The following GLIS3 variants were observed in gnomAD, a reference collection of about 807,000 sequenced individuals.
GLIS3 encodes the protein GLIS family zinc finger 3.
GLIS3 carries 53 observed loss-of-function variants against 78.6 expected under a neutral mutation model. The ratio of observed to expected loss-of-function variants is 0.67; its 90% CI spans 0.54 to 0.85. GLIS3 has a LOEUF of 0.85. GLIS3 is among the 40% of genes least tolerant of loss of function. The probability of loss-of-function intolerance (pLI) is 0.00; values close to 1 mark genes in which losing one functional copy is unlikely to be tolerated. For missense variants in GLIS3, 1,703 were observed against 1,231.1 expected (o/e 1.38, Z -5.74); for synonymous variants, 684 against 509.9 (o/e 1.34, Z -4.60).
chr9:3,999,593 T>C (rs545062908), intron 4 of GLIS3, among the ~76,000 whole-genome samples: 1 of 152,254 alleles, frequency 6.6e-6, no homozygotes, highest in Non-Finnish European at 1.5e-5. Context: ...AAATGTTCAT[T>C]GAAAGACATT....
chr9:4,374,810 T>G, the GLIS3 span, among the ~76,000 whole-genome samples: 1 of 152,266 alleles, frequency 6.6e-6, no homozygotes, highest in Non-Finnish European at 1.5e-5. Flanking sequence ...CCACCGTCAC[T>G]TATTTATTGC....
intron 2 of GLIS3, among the ~76,000 whole-genome samples, chr9:4,210,879 A>C (rs1398492197): frequency 1.3e-5 from 2 of 152,160 alleles, no homozygotes; most frequent in African/African-American, 2.4e-5. Context: ...CCTTCTTCCA[A>C]GGTAAATTCC....
At chr9:4,435,312 T>A in the GLIS3 span, among the ~76,000 whole-genome samples, 39 of 150,378 alleles carry the variant, frequency 2.6e-4, no homozygotes, top group African/African-American at 9.1e-4. Flanking sequence ...GTAGATTGAA[T>A]GGGATTATGA....
the GLIS3 span, among the ~76,000 whole-genome samples, chr9:4,474,000 T>C: frequency 2.1e-5 from 3 of 141,610 alleles, no homozygotes; most frequent in Non-Finnish European, 4.8e-5. Flanking sequence ...ACCTGGTATA[T>C]TGTAAAGATG....
chr9:3,840,123 T>A (rs1818623406), intron 9 of GLIS3, among the ~76,000 whole-genome samples: 1 of 152,204 alleles, frequency 6.6e-6, no homozygotes, highest in African/African-American at 2.4e-5. Flanking sequence ...TGTATAACAG[T>A]GTTTATAAAA....
At chr9:4,466,538 T>G in the GLIS3 span, among the ~76,000 whole-genome samples, 1 of 152,208 alleles carries the variant, frequency 6.6e-6, no homozygotes, top group East Asian at 1.9e-4. Flanking sequence ...TAAAATTTTT[T>G]TAAATGTTAG....
At chr9:4,431,845 A>G in the GLIS3 span, among the ~76,000 whole-genome samples, 2 of 101,096 alleles carry the variant, frequency 2.0e-5, no homozygotes, top group South Asian at 7.9e-4. Flanking sequence ...ACTCCATCTG[A>G]AAAAAAAAAA....
chr9:3,824,587 T>C lies in GLIS3; in HGVS notation c.*3685A>G, dbSNP rs897295120. The C allele has an allele frequency of 6.6e-6, 1 of 152,430 alleles. No individual in the cohort carries two copies. 9.4% of individuals were successfully genotyped at this position (152,430 alleles called of 1,614,324 possible). A position where few individuals can be genotyped will look rare whatever the true frequency, so the allele number is the denominator to read the frequency against. On this transcript the variant is annotated 3_prime_UTR_variant, in exon 11 of 11. Transcript: ENST00000381971. ...AAATAACTTATGATTATATGAAACATAACTGTGACAAATCACAAAACTATA... is the reference window on the plus strand; with the variant it reads ...AAATAACTTATGATTATATGAAACACAACTGTGACAAATCACAAAACTATA...
intron 2 of GLIS3, among the ~76,000 whole-genome samples, chr9:4,207,681 T>C (rs775402911): frequency 1.3e-5 from 2 of 151,982 alleles, no homozygotes; most frequent in Non-Finnish European, 2.9e-5. Flanking sequence ...GCATCGCAGA[T>C]GAGAAAAAAG....
At chr9:4,454,221 T>C in the GLIS3 span, among the ~76,000 whole-genome samples, 1 of 150,394 alleles carries the variant, frequency 6.6e-6, no homozygotes, top group Non-Finnish European at 1.5e-5. Context: ...CCCAGGCTGG[T>C]CTCAAATGCC....
intron 4 of GLIS3, among the ~76,000 whole-genome samples, chr9:3,979,595 C>T (rs1819075034): frequency 6.6e-6 from 1 of 152,064 alleles, no homozygotes; most frequent in African/African-American, 2.4e-5. Context: ...CTTCTTGGAC[C>T]TCTTATGTCT....
At chr9:4,375,217 G>C in the GLIS3 span, among the ~76,000 whole-genome samples, 56 of 152,250 alleles carry the variant, frequency 3.7e-4, no homozygotes, top group African/African-American at 5.5e-4. Context: ...TGAAGGGAAG[G>C]GGAGTTACAA....
the GLIS3 span, among the ~76,000 whole-genome samples, chr9:4,361,026 C>A: frequency 6.6e-6 from 1 of 152,214 alleles, no homozygotes. Context: ...CTGAAACAGG[C>A]CACACTTTGC....
chr9:4,420,616 G>T, the GLIS3 span, among the ~76,000 whole-genome samples: 1 of 152,046 alleles, frequency 6.6e-6, no homozygotes, highest in Non-Finnish European at 1.5e-5. Flanking sequence ...ATTACGTCAG[G>T]GAGAAAGACT....
chr9:4,349,994 G>A (rs537644239), upstream of GLIS3, among the ~76,000 whole-genome samples: 75 of 152,342 alleles, frequency 4.9e-4, no homozygotes, highest in African/African-American at 1.7e-3. Context: ...TCAGGAATGT[G>A]AAAGAGACTT....
the GLIS3 span, among the ~76,000 whole-genome samples, chr9:4,363,004 G>A: frequency 6.6e-6 from 1 of 152,136 alleles, no homozygotes; most frequent in Non-Finnish European, 1.5e-5. Flanking sequence ...GAAAAGAGAA[G>A]AGAGGAGAGA....
chr9:4,236,569 G>A (rs1373627285), intron 2 of GLIS3, among the ~76,000 whole-genome samples: 1 of 152,024 alleles, frequency 6.6e-6, no homozygotes, highest in African/African-American at 2.4e-5. Flanking sequence ...AAGAAAACCT[G>A]GGTGGAAAAA....
the GLIS3 span, among the ~76,000 whole-genome samples, chr9:4,459,341 T>C: frequency 6.6e-6 from 1 of 152,190 alleles, no homozygotes; most frequent in Admixed American, 6.5e-5. Flanking sequence ...GTCTAAAGAC[T>C]CAGCCCTGGG....
the GLIS3 span, among the ~76,000 whole-genome samples, chr9:4,449,797 C>A: frequency 2.6e-5 from 4 of 152,134 alleles, no homozygotes; most frequent in African/African-American, 9.7e-5. Context: ...GGAATAGCAT[C>A]AACATCAACA....
Sources: gnomAD v4.1 joint callset for allele counts (sites outside exome capture counted in the v4.1 genomes callset) on GRCh38, gnomAD v4.1.1 for gene constraint, MANE v1.5 for transcripts, NCBI Gene and HGNC (gene_info 2026-07-23, HGNC 2026-07-21) for gene names.